Variants in MAF observed in about 807,000 individuals in gnomAD.
The protein encoded by MAF is transcription factor Maf.
In MAF, 10 loss-of-function variants were observed where a neutral mutation model predicts 22.0. The ratio of observed to expected loss-of-function variants is 0.45; its 90% CI spans 0.28 to 0.77. The LOEUF (loss-of-function observed/expected upper bound fraction) is 0.77, where lower values mean the gene tolerates loss of function less well. MAF is among the 30% of genes least tolerant of loss of function. The probability of loss-of-function intolerance (pLI) is 0.12; values close to 1 mark genes in which losing one functional copy is unlikely to be tolerated. For synonymous variants in MAF, 337 were observed against 255.8 expected, an observed-to-expected ratio of 1.32 and a Z score of -3.03; for missense variants, 544 against 548.4, an observed-to-expected ratio of 0.99 and a Z score of 0.08.
the MAF span, among the ~76,000 whole-genome samples, chr16:79,537,968 A>T: frequency 6.6e-6 from 1 of 152,208 alleles, no homozygotes; most frequent in African/African-American, 2.4e-5. Context: ...CAAGTGGATA[A>T]AATAACTTTG....
the MAF span, among the ~76,000 whole-genome samples, chr16:79,350,002 A>G: frequency 6.6e-6 from 1 of 152,194 alleles, no homozygotes; most frequent in Non-Finnish European, 1.5e-5. Context: ...AGGCACAATG[A>G]AAAGTCACCT....
At chr16:79,485,058 C>A in the MAF span, among the ~76,000 whole-genome samples, 1 of 152,162 alleles carries the variant, frequency 6.6e-6, no homozygotes, top group Non-Finnish European at 1.5e-5. Flanking sequence ...CCTGATTAGA[C>A]TTTTATGAAA....
chr16:79,404,910 C>A, the MAF span, among the ~76,000 whole-genome samples: 6 of 152,176 alleles, frequency 3.9e-5, no homozygotes, highest in Non-Finnish European at 5.9e-5. Context: ...CTTACAAATT[C>A]ACTCACTCCC....
the MAF span, among the ~76,000 whole-genome samples, chr16:79,285,715 C>T: frequency 6.6e-5 from 10 of 152,290 alleles, no homozygotes; most frequent in Admixed American, 5.2e-4. Flanking sequence ...TCCGCAAGGC[C>T]AGAGGGCACC....
intron 1 of MAF, chr16:79,595,703 C>T: frequency 1.1e-5 from 12 of 1,058,146 alleles, no homozygotes; most frequent in Non-Finnish European, 1.4e-5. Context: ...AATCAAAGCA[C>T]AGCCTATATT....
At chr16:79,572,141 G>A in the MAF span, among the ~76,000 whole-genome samples, 12 of 152,232 alleles carry the variant, frequency 7.9e-5, no homozygotes, top group Admixed American at 4.6e-4. Flanking sequence ...GCATTTTGGA[G>A]CAATTTGCTG....
chr16:79,392,071 G>A, the MAF span, among the ~76,000 whole-genome samples: 1 of 150,164 alleles, frequency 6.7e-6, no homozygotes, highest in African/African-American at 2.5e-5. Flanking sequence ...GGAGAAGACA[G>A]AGGAGATGCA....
the MAF span, among the ~76,000 whole-genome samples, chr16:79,560,849 G>T: frequency 3.9e-5 from 6 of 152,194 alleles, no homozygotes; most frequent in African/African-American, 1.4e-4. Context: ...CTTCAGTGAC[G>T]AGGTGTGGCG....
the MAF span, among the ~76,000 whole-genome samples, chr16:79,571,847 T>C: frequency 6.6e-6 from 1 of 152,160 alleles, no homozygotes; most frequent in Non-Finnish European, 1.5e-5. Flanking sequence ...ACATCATTTC[T>C]TTGCAGGAAG....
the MAF span, among the ~76,000 whole-genome samples, chr16:79,523,078 T>A: frequency 6.6e-6 from 1 of 152,348 alleles, no homozygotes; most frequent in Non-Finnish European, 1.5e-5. Flanking sequence ...TAGGTATTTC[T>A]CTCCTGGCAT....
At chr16:79,576,081 A>G in the MAF span, among the ~76,000 whole-genome samples, 1 of 152,144 alleles carries the variant, frequency 6.6e-6, no homozygotes, top group Non-Finnish European at 1.5e-5. Context: ...GGTTACCCTC[A>G]TAAGGTTTTC....
At chr16:79,505,113 G>A in the MAF span, among the ~76,000 whole-genome samples, 2 of 152,188 alleles carry the variant, frequency 1.3e-5, no homozygotes, top group African/African-American at 4.8e-5. Flanking sequence ...TACAAGGTAA[G>A]TTATTTTATT....
At chr16:79,475,841 T>A in the MAF span, among the ~76,000 whole-genome samples, 3 of 152,164 alleles carry the variant, frequency 2.0e-5, no homozygotes, top group Non-Finnish European at 2.9e-5. Flanking sequence ...GCAGGCAGAA[T>A]CCTAAGACGA....
the MAF span, among the ~76,000 whole-genome samples, chr16:79,579,164 T>G: frequency 6.6e-6 from 1 of 152,228 alleles, no homozygotes; most frequent in Non-Finnish European, 1.5e-5. Context: ...GTGCGCATAC[T>G]CTGACTCTTT....
rs1047129054 is a variant in MAF, at chr16:79,600,075, C to T, written c.-173G>A. The T allele has an allele frequency of 5.2e-6, 4 of 765,656 alleles. No homozygotes were observed. Among genetic ancestry groups the T allele is most frequent in the Admixed American group, 3.5e-5 (1 of 28,868 alleles). The allele number at this position is 765,656 out of a possible 1,614,324, so 47.4% of individuals were successfully genotyped here. A position where few individuals can be genotyped will look rare whatever the true frequency, so the allele number is the denominator to read the frequency against. ...CTCCGAGCGCGCTCACACACACACC[C>T]CCCCGCCCTGCCCGCGCCCCCCGCG... is the stretch of plus-strand genomic sequence containing the variant. On this transcript the variant is annotated 5_prime_UTR_variant, in exon 1 of 2. Coordinates refer to ENST00000326043, the MANE Select transcript of MAF (RefSeq NM_005360.5).
In MAF at chr16:79,594,200, T is replaced by C; in HGVS notation, c.*260A>G. On this transcript the variant is annotated 3_prime_UTR_variant, in exon 2 of 2. Transcript: ENST00000326043. ...AATTTCAGTGAATTTTTAAAACTAGTATGGCAGGTTGAAAGCAATGCACCT... is the reference window on the plus strand; with the variant it reads ...AATTTCAGTGAATTTTTAAAACTAGCATGGCAGGTTGAAAGCAATGCACCT... 6.5e-6 allele frequency: 3 copies of C among 461,914 alleles called. No individual in the cohort carries two copies. In the South Asian group the frequency reaches 8.0e-5, roughly 12 times the overall value. 28.6% of individuals were successfully genotyped at this position (461,914 alleles called of 1,614,324 possible). A position where few individuals can be genotyped will look rare whatever the true frequency, so the allele number is the denominator to read the frequency against.
chr16:79,259,167 G>A, the MAF span, among the ~76,000 whole-genome samples: 2 of 152,118 alleles, frequency 1.3e-5, no homozygotes, highest in African/African-American at 2.4e-5. Context: ...TCACCAGGCC[G>A]GCTGGCTCGA....
the MAF span, among the ~76,000 whole-genome samples, chr16:79,357,656 T>G: frequency 6.6e-6 from 1 of 152,206 alleles, no homozygotes; most frequent in South Asian, 2.1e-4. Context: ...CATGGCTGTC[T>G]TCCTCACCAT....
the MAF span, among the ~76,000 whole-genome samples, chr16:79,417,053 G>C: frequency 1.3e-5 from 2 of 152,202 alleles, no homozygotes; most frequent in Admixed American, 6.5e-5. Context: ...CATGCTATGA[G>C]CCGAACTCAC....
Sources: gnomAD v4.1 joint callset for allele counts (sites outside exome capture counted in the v4.1 genomes callset) on GRCh38, gnomAD v4.1.1 for gene constraint, MANE v1.5 for transcripts, NCBI Gene and HGNC (gene_info 2026-07-23, HGNC 2026-07-21) for gene names.